Variants in GRM8 observed in about 807,000 individuals in gnomAD.
The protein encoded by GRM8 is glutamate metabotropic receptor 8.
Under a neutral mutation model 87.2 loss-of-function variants are expected in GRM8, and 47 were observed. The ratio of observed to expected loss-of-function variants is 0.54; its 90% CI spans 0.43 to 0.69. The LOEUF is 0.69. Ranked by LOEUF, GRM8 falls within the 30% of genes least tolerant of loss-of-function variation. The pLI is 0.00. For missense variants in GRM8, 1,019 were observed against 1,139.2 expected (o/e 0.89, Z 1.52); for synonymous variants, 396 against 404.5 (o/e 0.98, Z 0.25).
intron 3 of GRM8, among the ~76,000 whole-genome samples, chr7:127,015,152 A>AAGAAGGAAGAAGGAAGAAGG (rs1563414030): frequency 1.4e-5 from 1 of 70,016 alleles, no homozygotes; most frequent in African/African-American, 7.0e-5. Flanking sequence ...AGGAAGAAGG[A>AAGAAGGAAGAAGGAAGAAGG]AGAAGGAGAA....
intron 3 of GRM8, among the ~76,000 whole-genome samples, chr7:127,056,661 A>C (rs1820021223): frequency 6.6e-6 from 1 of 152,230 alleles, no homozygotes; most frequent in Non-Finnish European, 1.5e-5. Flanking sequence ...AATATCCTGT[A>C]ATCAAGACAC....
intron 6 of GRM8, among the ~76,000 whole-genome samples, chr7:126,786,142 C>T (rs1391256907): frequency 1.3e-5 from 2 of 152,096 alleles, no homozygotes; most frequent in African/African-American, 4.8e-5. Flanking sequence ...GAATAATGAC[C>T]TCCTACTTCA....
intron 8 of GRM8, among the ~76,000 whole-genome samples, chr7:126,586,907 G>T (rs1796189942): frequency 1.3e-5 from 2 of 151,974 alleles, no homozygotes; most frequent in South Asian, 4.1e-4. Context: ...TACAGAATAG[G>T]AGAAAATTTT....
chr7:127,176,091 A>C (rs968950175), intron 2 of GRM8, among the ~76,000 whole-genome samples: 1 of 152,246 alleles, frequency 6.6e-6, no homozygotes, highest in African/African-American at 2.4e-5. Flanking sequence ...CCTGAAGTGC[A>C]GATGCAATGG....
At chr7:126,548,133 A>G (rs1817371691) in intron 8 of GRM8, among the ~76,000 whole-genome samples, 1 of 152,010 alleles carries the variant, frequency 6.6e-6, no homozygotes, top group Admixed American at 6.6e-5. Flanking sequence ...CTCTAAGAAC[A>G]TGAACTTTAA....
intron 6 of GRM8, among the ~76,000 whole-genome samples, chr7:126,775,141 A>G (rs1051405649): frequency 1.3e-5 from 2 of 152,134 alleles, no homozygotes; most frequent in Non-Finnish European, 2.9e-5. Flanking sequence ...TTTCTCCCTG[A>G]ATTTTTCTGA....
At chr7:127,208,638 C>CT (rs1796048978) in intron 2 of GRM8, among the ~76,000 whole-genome samples, 1 of 152,190 alleles carries the variant, frequency 6.6e-6, no homozygotes, top group Non-Finnish European at 1.5e-5. Context: ...TCAGGATCCT[C>CT]TTGGGAGGCA....
intron 9 of GRM8, among the ~76,000 whole-genome samples, chr7:126,493,408 T>C (rs1030161035): frequency 6.6e-6 from 1 of 151,994 alleles, no homozygotes; most frequent in Admixed American, 6.6e-5. Flanking sequence ...TCGAAGAAAT[T>C]GAGTGAAGTT....
chr7:126,714,081 G>C (rs1291632639), intron 7 of GRM8, among the ~76,000 whole-genome samples: 1 of 150,572 alleles, frequency 6.6e-6, no homozygotes, highest in African/African-American at 2.4e-5. Context: ...AGTACAGCCT[G>C]GCCAACATTG....
chr7:126,993,726 C>T (rs2131969944), intron 3 of GRM8, among the ~76,000 whole-genome samples: 1 of 152,260 alleles, frequency 6.6e-6, no homozygotes, highest in East Asian at 1.9e-4. Flanking sequence ...TTTGCCCTGT[C>T]ACAGTGGAAA....
At chr7:126,673,053 G>T (rs1326241736) in intron 7 of GRM8, among the ~76,000 whole-genome samples, 1 of 152,136 alleles carries the variant, frequency 6.6e-6, no homozygotes, top group Non-Finnish European at 1.5e-5. Context: ...ACTCCAAGCG[G>T]CCTGCCCACT....
intron 6 of GRM8, among the ~76,000 whole-genome samples, chr7:126,829,927 G>T (rs1462616451): frequency 6.6e-6 from 1 of 152,056 alleles, no homozygotes; most frequent in Non-Finnish European, 1.5e-5. Context: ...GCATTTGCTT[G>T]TCTGTGAAGT....
chr7:127,152,069 C>A (rs1038971206), intron 2 of GRM8, among the ~76,000 whole-genome samples: 12 of 151,952 alleles, frequency 7.9e-5, no homozygotes, highest in Non-Finnish European at 2.9e-5. Flanking sequence ...CACTTCCTGC[C>A]ACCTTAGGGA....
At chr7:126,650,849 G>A (rs1803759193) in intron 7 of GRM8, among the ~76,000 whole-genome samples, 1 of 151,916 alleles carries the variant, frequency 6.6e-6, no homozygotes, top group South Asian at 2.1e-4. Flanking sequence ...TAAACAAAGT[G>A]GCCATTGTGG....
chr7:127,066,429 T>C (rs2132637322), intron 3 of GRM8, among the ~76,000 whole-genome samples: 1 of 152,346 alleles, frequency 6.6e-6, no homozygotes, highest in Non-Finnish European at 1.5e-5. Context: ...AACCTTTGTG[T>C]AGCATTTAAG....
At chr7:127,162,247 A>C (rs1793162319) in intron 2 of GRM8, among the ~76,000 whole-genome samples, 1 of 152,198 alleles carries the variant, frequency 6.6e-6, no homozygotes. Flanking sequence ...GTGGTTTGGA[A>C]AGACTAAGAG....
intron 2 of GRM8, among the ~76,000 whole-genome samples, chr7:127,204,099 A>G (rs2116580214): frequency 6.6e-6 from 1 of 150,480 alleles, no homozygotes; most frequent in East Asian, 1.9e-4. Flanking sequence ...GCAGGACTCA[A>G]GCCATGCAGT....
intron 8 of GRM8, among the ~76,000 whole-genome samples, chr7:126,564,092 C>T (rs1793982822): frequency 6.6e-6 from 1 of 152,170 alleles, no homozygotes; most frequent in Non-Finnish European, 1.5e-5. Context: ...TTTGGGTGGT[C>T]CCACCTCCAT....
intron 7 of GRM8, among the ~76,000 whole-genome samples, chr7:126,711,399 G>A (rs954036633): frequency 6.6e-6 from 1 of 152,006 alleles, no homozygotes; most frequent in African/African-American, 2.4e-5. Flanking sequence ...CTCAACACTG[G>A]GCTGAAAATA....
Sources: allele counts gnomAD v4.1 joint callset (sites outside exome capture counted in the v4.1 genomes callset), GRCh38; gene constraint gnomAD v4.1.1; transcripts MANE v1.5; gene names NCBI Gene and HGNC (gene_info 2026-07-23, HGNC 2026-07-21).